The following NFX1 variants were observed in gnomAD, a reference collection of about 807,000 sequenced individuals.
The protein encoded by NFX1 is nuclear transcription factor, X-box binding 1.
Under a neutral mutation model 137.2 loss-of-function variants are expected in NFX1, and 69 were observed. That is an observed-to-expected ratio of 0.50 (90% CI 0.41 to 0.61). The LOEUF is 0.61. NFX1 is among the 20% of genes least tolerant of loss of function. The pLI is 0.00. For synonymous variants in NFX1, 495 were observed against 474.1 expected, an observed-to-expected ratio of 1.04 and a Z score of -0.57; for missense variants, 1,167 against 1,391.0, an observed-to-expected ratio of 0.84 and a Z score of 2.56.
intron 7 of NFX1, among the ~76,000 whole-genome samples, chr9:33,318,478 A>T (rs899707827): frequency 3.3e-5 from 5 of 152,214 alleles, no homozygotes; most frequent in Admixed American, 6.5e-5. Flanking sequence ...CAGAGGCACT[A>T]TGAGATATTA....
At chr9:33,318,108 A>G (rs899634389) in intron 7 of NFX1, among the ~76,000 whole-genome samples, 3 of 150,036 alleles carry the variant, frequency 2.0e-5, no homozygotes, top group Non-Finnish European at 4.4e-5. Flanking sequence ...TTTATTGTAT[A>G]TGTGATTTTA....
intron 7 of NFX1, 80 bp downstream of exon 7, chr9:33,313,873 T>C (rs765775985): frequency 1.2e-5 from 18 of 1,454,438 alleles, no homozygotes; most frequent in African/African-American, 1.4e-5. Flanking sequence ...TAAACTTTGA[T>C]TGGTGTCAGA....
chr9:33,332,428 A>T (rs1028048693), intron 10 of NFX1, 44 bp from the exon 11 acceptor site: 1 of 1,537,940 alleles, frequency 6.5e-7, no homozygotes, highest in Non-Finnish European at 8.9e-7. Flanking sequence ...GTATTATTTT[A>T]GTTATTCCTA....
rs772558982 is a variant in NFX1 at position 33,295,277 on chromosome 9, T to C, written c.883T>C (p.Cys295Arg). 1.2e-6 allele frequency: 2 copies of C among 1,613,954 alleles called. No individual in the cohort carries two copies. Among genetic ancestry groups the C allele is most frequent in the East Asian group, 4.5e-5 (2 of 44,882 alleles). The change falls in exon 2 of 24, where the codon TGT becomes CGT. Residue 295 changes from cysteine to arginine, a missense_variant. Physicochemically the swap from Cys to Arg is radical, Grantham distance 180 (BLOSUM62 -3). Transcript: ENST00000379540. ...DLNERPAKSTCDSENLAVINK... is the reference protein window; with the variant it reads ...DLNERPAKSTRDSENLAVINK... ...CAATGAAAGACCAGCAAAATCTACC[T>C]GTGACAGTGAGAACTTGGCAGTCAT... is the stretch of plus-strand genomic sequence containing the variant.
In NFX1 at chr9:33,343,985, ATG is replaced by A. The variant is rs1228223393; in HGVS notation, c.2225-76_2225-75del. On this transcript the variant is annotated intron_variant, in intron 13 of 23. Transcript: ENST00000379540. ...TTCTCCTCTAAAAATACAAGCAAAA[ATG>A]TGTGTGTTTGTGTGTGTTAGTATGT... 14 of 1,562,310 alleles carry A rather than the reference ATG, an allele frequency of 9.0e-6. No individual in the cohort carries two copies. The East Asian group carries it at 2.5e-4, about 28-fold the overall frequency.
chr9:33,341,636 T>TA (rs1344362493), intron 12 of NFX1, among the ~76,000 whole-genome samples: 3 of 152,156 alleles, frequency 2.0e-5, no homozygotes, highest in African/African-American at 7.2e-5. Flanking sequence ...CCTCTTATTA[T>TA]AAAAAAATTT....
At chr9:33,316,183 C>A (rs1822156428) in intron 7 of NFX1, among the ~76,000 whole-genome samples, 1 of 152,112 alleles carries the variant, frequency 6.6e-6, no homozygotes, top group Admixed American at 6.6e-5. Context: ...TGTTCCAGCC[C>A]CTGTTTTTAA....
intron 1 of NFX1, among the ~76,000 whole-genome samples, chr9:33,293,237 A>G (rs1821225214): frequency 1.3e-5 from 2 of 152,192 alleles, no homozygotes; most frequent in Non-Finnish European, 2.9e-5. Flanking sequence ...TCTCATCAGG[A>G]ATGTAAGGAT....
intron 2 of NFX1, among the ~76,000 whole-genome samples, chr9:33,300,957 C>T (rs1821540789): frequency 6.6e-6 from 1 of 152,168 alleles, no homozygotes; most frequent in Non-Finnish European, 1.5e-5. Context: ...CCTGTATTGC[C>T]CAGTGGATCC....
chr9:33,318,424 A>G (rs1822255295), intron 7 of NFX1, among the ~76,000 whole-genome samples: 2 of 152,196 alleles, frequency 1.3e-5, no homozygotes, highest in Admixed American at 1.3e-4. Context: ...TGTTCTCTTA[A>G]TTTAGAGGTT....
intron 10 of NFX1, among the ~76,000 whole-genome samples, chr9:33,329,389 C>A (rs1311183185): frequency 6.6e-6 from 1 of 152,130 alleles, no homozygotes; most frequent in Non-Finnish European, 1.5e-5. Flanking sequence ...ACCATGTGAC[C>A]CAAAACCCCT....
chr9:33,314,977 T>C (rs1331100133), intron 7 of NFX1, among the ~76,000 whole-genome samples: 2 of 152,198 alleles, frequency 1.3e-5, no homozygotes, highest in African/African-American at 2.4e-5. Context: ...AGAAAAAAAT[T>C]TTTTAATTGT....
At chr9:33,295,638 A>G (rs1350551223) in intron 2 of NFX1, among the ~76,000 whole-genome samples, 2 of 152,214 alleles carry the variant, frequency 1.3e-5, no homozygotes, top group Non-Finnish European at 2.9e-5. Flanking sequence ...ATCACAAGCA[A>G]ATACAAATAA....
Position 33,294,411 on chromosome 9 carries a change from A to G in NFX1, c.26-9A>G. The G allele has an allele frequency of 6.5e-7, 1 of 1,532,856 alleles. No homozygotes were observed. The highest frequency in any genetic ancestry group is 8.7e-7 in the Non-Finnish European group (1 of 1,144,258). The allele number at this position is 1,532,856 out of a possible 1,614,324, so 95.0% of individuals were successfully genotyped here. A position where few individuals can be genotyped will look rare whatever the true frequency, so the allele number is the denominator to read the frequency against. On this transcript the variant is annotated splice_polypyrimidine_tract_variant and intron_variant, in intron 1 of 23. Transcript: ENST00000379540. ...CTCTTTACTGGCATGTCTATTTTTTATGTCCTAGGTACTTTTAAATTCAAT... is the reference window on the plus strand; with the variant it reads ...CTCTTTACTGGCATGTCTATTTTTTGTGTCCTAGGTACTTTTAAATTCAAT...
At chr9:33,354,774 G>A in intron 18 of NFX1, 77 bp from the exon 19 acceptor site, 1 of 1,376,562 alleles carries the variant, frequency 7.3e-7, no homozygotes, top group Non-Finnish European at 9.8e-7. Context: ...CAGGTTGACT[G>A]AGACTTCCTT....
intron 14 of NFX1, among the ~76,000 whole-genome samples, chr9:33,346,534 C>T (rs1002488764): frequency 1.3e-5 from 2 of 152,136 alleles, no homozygotes; most frequent in Non-Finnish European, 2.9e-5. Context: ...GGAACTGAGA[C>T]ACCAGGAAGT....
intron 5 of NFX1, 126 bp from the exon 6 acceptor site, chr9:33,310,980 C>A: frequency 1.3e-6 from 1 of 781,684 alleles, no homozygotes; most frequent in Non-Finnish European, 2.1e-6. Context: ...CAACTTTAAA[C>A]AAATACAAAG....
chr9:33,302,222 C>T (rs1195645363), intron 3 of NFX1, among the ~76,000 whole-genome samples: 1 of 152,050 alleles, frequency 6.6e-6, no homozygotes, highest in Non-Finnish European at 1.5e-5. Context: ...GGGATTCCAA[C>T]ACCTCAAATA....
Position 33,342,862 on chromosome 9 carries a change from T to A in NFX1, c.2224+8T>A. ...AGACATGCTGGCAAGCCAGTGAGTG[T>A]CTTTACTGTATAGTTTATTAGAAGA... is the stretch of plus-strand genomic sequence containing the variant. On this transcript the variant is annotated splice_region_variant and intron_variant, in intron 13 of 23. Transcript: ENST00000379540. 1 of 1,582,308 alleles carries A rather than the reference T, an allele frequency of 6.3e-7. No homozygotes were observed. Among genetic ancestry groups the A allele is most frequent in the South Asian group, 1.1e-5 (1 of 89,338 alleles).
Sources: allele counts gnomAD v4.1 joint callset (sites outside exome capture counted in the v4.1 genomes callset), GRCh38; gene constraint gnomAD v4.1.1; transcripts MANE v1.5; gene names NCBI Gene and HGNC (gene_info 2026-07-23, HGNC 2026-07-21).